The following ROBO2 variants were observed in gnomAD, a reference collection of about 807,000 sequenced individuals.
ROBO2 encodes the protein roundabout guidance receptor 2.
ROBO2 carries 53 observed loss-of-function variants against 160.8 expected under a neutral mutation model. The ratio of observed to expected loss-of-function variants is 0.33; its 90% CI spans 0.26 to 0.41. The LOEUF (loss-of-function observed/expected upper bound fraction) is 0.41, where lower values mean the gene tolerates loss of function less well. ROBO2 is among the 10% of genes least tolerant of loss of function. The pLI, the probability that ROBO2 is intolerant of heterozygous loss-of-function variation, is 1.00. For synonymous variants in ROBO2, 664 were observed against 611.7 expected, an observed-to-expected ratio of 1.09 and a Z score of -1.26; for missense variants, 1,577 against 1,722.4, an observed-to-expected ratio of 0.92 and a Z score of 1.49.
At chr3:76,009,685 C>T (rs576403544) in intron 2 of ROBO2, among the ~76,000 whole-genome samples, 1 of 152,024 alleles carries the variant, frequency 6.6e-6, no homozygotes, top group Non-Finnish European at 1.5e-5. Context: ...AAGAAACATT[C>T]CCTCATGCAT....
chr3:76,542,506 G>T (rs1236938842), intron 2 of ROBO2, among the ~76,000 whole-genome samples: 1 of 152,060 alleles, frequency 6.6e-6, no homozygotes, highest in African/African-American at 2.4e-5. Context: ...TGTATCTTTT[G>T]ATCTTAGGTA....
At chr3:76,565,257 A>G (rs1185323044) in intron 2 of ROBO2, among the ~76,000 whole-genome samples, 5 of 152,140 alleles carry the variant, frequency 3.3e-5, no homozygotes, top group Non-Finnish European at 5.9e-5. Context: ...TATATATTCA[A>G]CTCATTTAAT....
intron 2 of ROBO2, among the ~76,000 whole-genome samples, chr3:77,412,722 G>C (rs1186474104): frequency 6.6e-6 from 1 of 152,178 alleles, no homozygotes; most frequent in Non-Finnish European, 1.5e-5. Flanking sequence ...TCCCAAAAAT[G>C]CTTTCCTAAT....
chr3:76,102,095 A>G (rs1449716034), intron 2 of ROBO2, among the ~76,000 whole-genome samples: 2 of 150,330 alleles, frequency 1.3e-5, no homozygotes, highest in African/African-American at 2.5e-5. Context: ...TCCTGTGTCC[A>G]TGTGTTCCCA....
At chr3:76,311,912 G>GA (rs1297772928) in intron 2 of ROBO2, among the ~76,000 whole-genome samples, 1 of 152,092 alleles carries the variant, frequency 6.6e-6, no homozygotes, top group Non-Finnish European at 1.5e-5. Flanking sequence ...AACTTTATTG[G>GA]AAAAAAATCT....
At chr3:77,175,443 A>G (rs916526235) in intron 2 of ROBO2, among the ~76,000 whole-genome samples, 10 of 152,032 alleles carry the variant, frequency 6.6e-5, no homozygotes, top group Non-Finnish European at 4.4e-5. Context: ...TCTAGACTGA[A>G]GAATTCTGAC....
intron 22 of ROBO2, among the ~76,000 whole-genome samples, chr3:77,619,998 T>C (rs1341725358): frequency 1.3e-5 from 2 of 152,214 alleles, no homozygotes; most frequent in Non-Finnish European, 2.9e-5. Flanking sequence ...CTTCCCACAC[T>C]TAGAAGAGTG....
chr3:76,691,617 A>G (rs535788830), intron 2 of ROBO2, among the ~76,000 whole-genome samples: 1 of 152,172 alleles, frequency 6.6e-6, no homozygotes, highest in Non-Finnish European at 1.5e-5. Flanking sequence ...TCAGATGTGA[A>G]GTGGTTCTGG....
Position 77,295,544 on chromosome 3 carries a change from G to C in ROBO2, c.389-181870G>C, listed in dbSNP as rs1333633191. Among the ~76,000 whole-genome samples, 7 of 142,292 alleles carry C rather than the reference G, an allele frequency of 4.9e-5. 1 individual carries two copies. The highest frequency in any genetic ancestry group is 1.8e-4 in the African/African-American group (7 of 38,486). The allele number at this position is 142,292 out of a possible 152,430, so 93.3% of individuals were successfully genotyped here. ...CGGTTAAATGGGTAAGCTGAGGCTA[G>C]ATCACCAAAGTCATAAAGTAAAATT... On this transcript the variant is annotated intron_variant, in intron 2 of 25. Coordinates refer to ENST00000461745, the Ensembl canonical transcript of ROBO2.
At chr3:76,052,954 A>G (rs1309096356) in intron 2 of ROBO2, among the ~76,000 whole-genome samples, 1 of 152,038 alleles carries the variant, frequency 6.6e-6, no homozygotes, top group African/African-American at 2.4e-5. Flanking sequence ...TAAGAAATAT[A>G]ACCTTTGGTT....
chr3:75,982,431 A>G (rs2065305696), intron 2 of ROBO2, among the ~76,000 whole-genome samples: 1 of 151,416 alleles, frequency 6.6e-6, no homozygotes, highest in African/African-American at 2.4e-5. Flanking sequence ...CCTTCTCAGC[A>G]TTTGCTACTG....
chr3:76,488,852 G>T (rs1223769342), intron 2 of ROBO2, among the ~76,000 whole-genome samples: 1 of 152,054 alleles, frequency 6.6e-6, no homozygotes, highest in African/African-American at 2.4e-5. Flanking sequence ...AGAAAATCAA[G>T]TTTACTATGG....
chr3:76,388,763 G>A (rs896132558), intron 2 of ROBO2, among the ~76,000 whole-genome samples: 27 of 151,458 alleles, frequency 1.8e-4, no homozygotes, highest in Non-Finnish European at 2.5e-4. Context: ...GTTTTTATGC[G>A]TCTTTCCATC....
chr3:77,605,178 A>AGT (rs2094502544), intron 20 of ROBO2, among the ~76,000 whole-genome samples: 1 of 149,302 alleles, frequency 6.7e-6, no homozygotes, highest in Non-Finnish European at 1.5e-5. Flanking sequence ...AAAAAAAAAA[A>AGT]GTATATATAT....
chr3:76,643,578 T>A (rs2090813758), intron 2 of ROBO2, among the ~76,000 whole-genome samples: 1 of 152,144 alleles, frequency 6.6e-6, no homozygotes, highest in Non-Finnish European at 1.5e-5. Context: ...TACATTGAAG[T>A]CTAACCAGGA....
At chr3:77,490,594 A>T (rs576073074) in intron 4 of ROBO2, among the ~76,000 whole-genome samples, 1 of 152,230 alleles carries the variant, frequency 6.6e-6, no homozygotes, top group African/African-American at 2.4e-5. Flanking sequence ...TTTGGCTTCA[A>T]GTAATATAAA....
At chr3:77,430,395 C>T (rs1270361392) in intron 2 of ROBO2, among the ~76,000 whole-genome samples, 1 of 151,964 alleles carries the variant, frequency 6.6e-6, no homozygotes, top group Non-Finnish European at 1.5e-5. Context: ...CAGAGGTGTG[C>T]TGGTGAATGT....
rs2092887544 is a variant in ROBO2, at chr3:76,694,595, G to A, written c.110-403419G>A. Among the ~76,000 whole-genome samples, 4 of 151,678 alleles carry A rather than the reference G, an allele frequency of 2.6e-5. No homozygotes were observed. In the South Asian group the frequency reaches 8.4e-4, roughly 32 times the overall value. ...GAACTGTTGCCATTTGTTTAAGTCGGGCACTTCATAGGAAAGCGTTCCTAT... is the reference window on the plus strand; with the variant it reads ...GAACTGTTGCCATTTGTTTAAGTCGAGCACTTCATAGGAAAGCGTTCCTAT... On this transcript the variant is annotated intron_variant, in intron 2 of 26. Coordinates refer to the ROBO2 transcript ENST00000487694.
chr3:76,608,124 A>T (rs2109038474), intron 2 of ROBO2, among the ~76,000 whole-genome samples: 1 of 152,320 alleles, frequency 6.6e-6, no homozygotes, highest in Non-Finnish European at 1.5e-5. Context: ...ATGTTATTAA[A>T]TCCATTTCAT....
Sources: gnomAD v4.1 joint callset for allele counts (sites outside exome capture counted in the v4.1 genomes callset) on GRCh38, gnomAD v4.1.1 for gene constraint, MANE v1.5 for transcripts, NCBI Gene and HGNC (gene_info 2026-07-23, HGNC 2026-07-21) for gene names.